CCDC141: variants seen among roughly 807,000 people sequenced by gnomAD.
CCDC141 encodes coiled-coil domain-containing protein 141.
A neutral mutation model predicts 181.0 loss-of-function variants in CCDC141; 168 were observed. The ratio of observed to expected loss-of-function variants is 0.93; its 90% CI spans 0.82 to 1.05. CCDC141 has a LOEUF of 1.05. Among genes scored for constraint, CCDC141 ranks in the 50% least tolerant of loss-of-function variants. The pLI is 0.00. For missense variants in CCDC141, 1,902 were observed against 1,788.5 expected (o/e 1.06, Z -1.14); for synonymous variants, 666 against 642.3 (o/e 1.04, Z -0.56).
At chr2:179,038,865 T>G (rs1575379076) in intron 2 of CCDC141, among the ~76,000 whole-genome samples, 1 of 152,196 alleles carries the variant, frequency 6.6e-6, no homozygotes, top group East Asian at 1.9e-4. Flanking sequence ...GAGGTTTTCT[T>G]GACTCTTACA....
intron 17 of CCDC141, among the ~76,000 whole-genome samples, chr2:178,859,049 A>G (rs567392127): frequency 6.6e-6 from 1 of 152,188 alleles, no homozygotes; most frequent in Non-Finnish European, 1.5e-5. Context: ...ACTGAAGATG[A>G]TTTATAAGGT....
chr2:178,971,781 T>C (rs1351747810), intron 4 of CCDC141, among the ~76,000 whole-genome samples: 3 of 152,126 alleles, frequency 2.0e-5, no homozygotes, highest in African/African-American at 4.8e-5. Context: ...TGCAGGGACA[T>C]GGATGAAGCT....
chr2:178,841,537 T>G (rs1684717995), intron 22 of CCDC141, among the ~76,000 whole-genome samples: 1 of 152,214 alleles, frequency 6.6e-6, no homozygotes, highest in African/African-American at 2.4e-5. Flanking sequence ...ACTTCAAAAC[T>G]ATGTACATCT....
intron 14 of CCDC141, among the ~76,000 whole-genome samples, chr2:178,869,517 A>T (rs1291825826): frequency 1.3e-5 from 2 of 152,232 alleles, no homozygotes; most frequent in Non-Finnish European, 2.9e-5. Flanking sequence ...AAAAAAAAAT[A>T]GCATGAGCAA....
rs185241985 is a variant in CCDC141, at chr2:178,830,668, C to G, written c.*3505G>C. The G allele has an allele frequency of 6.6e-6, 1 of 152,238 alleles. No individual in the cohort carries two copies. The highest frequency in any genetic ancestry group is 1.5e-5 in the Non-Finnish European group (1 of 68,144). 9.4% of individuals were successfully genotyped at this position (152,238 alleles called of 1,614,324 possible). A position where few individuals can be genotyped will look rare whatever the true frequency, so the allele number is the denominator to read the frequency against. On this transcript the variant is annotated 3_prime_UTR_variant, in exon 24 of 24. Transcript: ENST00000443758. ...CAGAGGAGACTGATGCTCAAACCTG[C>G]GATTCCTTTGTGTATATTCAGGGGC...
Position 178,905,283 on chromosome 2 carries a change from CTG to C in CCDC141, c.1265+44_1265+45del, listed in dbSNP as rs1411221070. On this transcript the variant is annotated intron_variant, in intron 8 of 23. Transcript: ENST00000443758. Reference sequence around the variant, plus strand: ...TCTTATTTTTAGCACGTTGTGGAAACTGTGAAAAAGCTTGTTACACTGAGAAA... The same window carrying C: ...TCTTATTTTTAGCACGTTGTGGAAACTGAAAAAGCTTGTTACACTGAGAAA... 8 of 1,475,512 alleles carry C rather than the reference CTG, an allele frequency of 5.4e-6. No homozygotes were observed. The South Asian group carries it at 9.4e-5, about 17-fold the overall frequency. The allele number at this position is 1,475,512 out of a possible 1,614,324, so 91.4% of individuals were successfully genotyped here.
At chr2:178,836,020 T>C (rs1033719008) in intron 23 of CCDC141, 4 of 152,636 alleles carry the variant, frequency 2.6e-5, no homozygotes, top group African/African-American at 9.6e-5. Context: ...ATTTAATATC[T>C]ACTGAAACAT....
At position 178,830,092 on chromosome 2, in the gene CCDC141, A is replaced by G. The variant is rs1403975410; in HGVS notation, c.*4081T>C. 6.6e-6 allele frequency: 1 copy of G among 152,238 alleles called. No homozygotes were observed. The highest frequency in any genetic ancestry group is 1.5e-5 in the Non-Finnish European group (1 of 68,040). 9.4% of individuals were successfully genotyped at this position (152,238 alleles called of 1,614,324 possible). A position where few individuals can be genotyped will look rare whatever the true frequency, so the allele number is the denominator to read the frequency against. On this transcript the variant is annotated 3_prime_UTR_variant, in exon 24 of 24. Coordinates refer to ENST00000443758, the MANE Select transcript of CCDC141 (RefSeq NM_173648.4). ...TTTACGTAGTGTTCTAAAGAAGTAC[A>G]TAAATTCTGGTTTTGACAGTTTGGA...
intron 3 of CCDC141, among the ~76,000 whole-genome samples, chr2:178,976,843 C>A (rs983380793): frequency 6.6e-6 from 1 of 152,018 alleles, no homozygotes; most frequent in Admixed American, 6.6e-5. Context: ...TTGTTACCTG[C>A]AGAACATTAG....
intron 3 of CCDC141, among the ~76,000 whole-genome samples, chr2:178,977,788 T>G (rs1691188184): frequency 6.6e-6 from 1 of 152,200 alleles, no homozygotes; most frequent in Non-Finnish European, 1.5e-5. Flanking sequence ...AAGTTAAAAG[T>G]GAAATTTCCA....
intron 2 of CCDC141, among the ~76,000 whole-genome samples, chr2:179,020,006 T>C (rs2042649367): frequency 6.6e-6 from 1 of 152,114 alleles, no homozygotes; most frequent in South Asian, 2.1e-4. Flanking sequence ...TCTGACCACC[T>C]GGGCCTACCA....
At position 179,047,435 on chromosome 2, in the gene CCDC141, T is replaced by G. The variant is rs931138796; in HGVS notation, c.103-29A>C. 1.0e-5 allele frequency: 15 copies of G among 1,476,354 alleles called. No individual in the cohort carries two copies. The African/African-American group carries it at 2.1e-4, about 21-fold the overall frequency. The allele number at this position is 1,476,354 out of a possible 1,614,324, so 91.5% of individuals were successfully genotyped here. ...AAAATAAAAATTAAATAAAATGCACTTTTAGTTCCTCTTGTTCCTTCCTCT... is the reference window on the plus strand; with the variant it reads ...AAAATAAAAATTAAATAAAATGCACGTTTAGTTCCTCTTGTTCCTTCCTCT... On this transcript the variant is annotated intron_variant, in intron 1 of 23. Transcript: ENST00000443758.
intron 8 of CCDC141, among the ~76,000 whole-genome samples, chr2:178,894,071 G>A (rs1687293730): frequency 6.6e-6 from 1 of 152,240 alleles, no homozygotes; most frequent in South Asian, 2.1e-4. Flanking sequence ...CATTAGGGGA[G>A]GCTGAAAATG....
chr2:178,924,735 G>A (rs1169401126), intron 6 of CCDC141, among the ~76,000 whole-genome samples: 6 of 152,184 alleles, frequency 3.9e-5, no homozygotes, highest in African/African-American at 1.4e-4. Flanking sequence ...CCCTCACTAT[G>A]ATGCAGTCCA....
At chr2:178,897,724 A>G (rs1440594793) in intron 8 of CCDC141, among the ~76,000 whole-genome samples, 2 of 152,164 alleles carry the variant, frequency 1.3e-5, no homozygotes, top group African/African-American at 4.8e-5. Flanking sequence ...GCAAATCAAT[A>G]CTTCACAAGG....
chr2:178,834,502 C>T (rs1342705713), intron 23 of CCDC141, 62 bp from the exon 24 acceptor site: 1 of 1,501,340 alleles, frequency 6.7e-7, no homozygotes, highest in African/African-American at 1.4e-5. Context: ...TTTCCAAGTT[C>T]TAATAATGCT....
In CCDC141 at chr2:178,868,129, T is replaced by C. The variant is rs761207861; in HGVS notation, c.2471A>G (p.Gln824Arg). The change falls in exon 16 of 24, where the codon CAG becomes CGG. Residue 824 changes from glutamine to arginine, a missense_variant. By Grantham distance (43) the Gln-to-Arg change is conservative. Transcript: ENST00000443758. ...PKELGDAHDV[Q>R]IHLRCSQEKQ... ...TTCCTGAGAGCACCGGAGGTGAATC[T>C]GCACATCATGGGCATCACCCAGTTC... The C allele has an allele frequency of 3.1e-6, 5 of 1,613,942 alleles. No individual in the cohort carries two copies. Among genetic ancestry groups the C allele is most frequent in the Non-Finnish European group, 4.2e-6 (5 of 1,179,950 alleles).
the CCDC141 span, among the ~76,000 whole-genome samples, chr2:178,819,061 T>C: frequency 6.6e-6 from 1 of 152,200 alleles, no homozygotes; most frequent in Non-Finnish European, 1.5e-5. Context: ...TCTGTCTGAG[T>C]AAGAGTTTCC....
intron 2 of CCDC141, among the ~76,000 whole-genome samples, chr2:178,987,796 A>G (rs1423499892): frequency 6.7e-6 from 1 of 149,736 alleles, no homozygotes; most frequent in African/African-American, 2.5e-5. Context: ...TTAGAATGGC[A>G]ATCATTAAAA....
Sources: gnomAD v4.1 joint callset for allele counts (sites outside exome capture counted in the v4.1 genomes callset) on GRCh38, gnomAD v4.1.1 for gene constraint, MANE v1.5 for transcripts, NCBI Gene and HGNC (gene_info 2026-07-23, HGNC 2026-07-21) for gene names.